The following MICAL2 variants were observed in gnomAD, a reference collection of about 807,000 sequenced individuals.
MICAL2 encodes the protein microtubule associated monooxygenase, calponin and LIM domain containing 2, also known as [F-actin]-monooxygenase MICAL2.
MICAL2 carries 77 observed loss-of-function variants against 127.3 expected under a neutral mutation model. That is an observed-to-expected ratio of 0.60 (90% CI 0.50 to 0.73). The LOEUF is 0.73. Ranked by LOEUF, MICAL2 falls within the 30% of genes least tolerant of loss-of-function variation. The probability of loss-of-function intolerance (pLI) is 0.00; values close to 1 mark genes in which losing one functional copy is unlikely to be tolerated. For missense variants in MICAL2, 1,351 were observed against 1,434.4 expected, an observed-to-expected ratio of 0.94 and a Z score of 0.94; for synonymous variants, 570 against 551.1, an observed-to-expected ratio of 1.03 and a Z score of -0.48.
chr11:12,172,065 C>T (rs1266863025), intron 3 of MICAL2, among the ~76,000 whole-genome samples: 1 of 152,152 alleles, frequency 6.6e-6, no homozygotes, highest in Non-Finnish European at 1.5e-5. Context: ...TCAAATTGGA[C>T]TGTGCAGTTT....
At chr11:12,257,133 T>C (rs1862440045) in intron 24 of MICAL2, 162 bp downstream of exon 24, 1 of 753,208 alleles carries the variant, frequency 1.3e-6, no homozygotes, top group Admixed American at 3.2e-5. Flanking sequence ...GAGCTCCTGC[T>C]AGAAGGGGAG....
intron 1 of MICAL2, among the ~76,000 whole-genome samples, chr11:12,130,879 C>T (rs1357203482): frequency 6.6e-6 from 1 of 152,228 alleles, no homozygotes; most frequent in East Asian, 1.9e-4. Context: ...GACCCTGATA[C>T]TGCTGTGGGA....
intron 3 of MICAL2, among the ~76,000 whole-genome samples, chr11:12,198,670 G>A (rs1355696982): frequency 6.6e-6 from 1 of 152,202 alleles, no homozygotes; most frequent in Non-Finnish European, 1.5e-5. Context: ...CTGCAGGTCA[G>A]TGTGCTGGGA....
At chr11:12,281,530 C>T (rs61875374) in intron 2 of MICAL2, among the ~76,000 whole-genome samples, 4,218 of 152,280 alleles carry the variant, frequency 0.028, 89 homozygotes, top group Non-Finnish European at 0.04. Flanking sequence ...GGCATCATCT[C>T]CCTGGGACCA....
intron 9 of MICAL2, 58 bp from the exon 10 acceptor site, chr11:12,221,586 A>C (rs749336621): frequency 8.1e-7 from 1 of 1,238,994 alleles, no homozygotes; most frequent in Non-Finnish European, 1.2e-6. Context: ...GGGTCCAATG[A>C]GATCATAGAT....
At chr11:12,287,228 C>T in exon 3 of MICAL2, 1 of 398,700 alleles carries the variant, frequency 2.5e-6, no homozygotes, top group Admixed American at 4.4e-5. Context: ...GGTTAATTCT[C>T]AGGGGCAGCC....
intron 29 of MICAL2, among the ~76,000 whole-genome samples, chr11:12,310,514 A>G (rs1475648220): frequency 6.6e-6 from 1 of 152,102 alleles, no homozygotes; most frequent in African/African-American, 2.4e-5. Context: ...TGGGTTCTCT[A>G]TTCTGTTCCA....
rs1675268631 is a variant in MICAL2 at position 12,204,425 on chromosome 11, G to C, written c.440G>C (p.Gly147Ala). The part of the protein sequence containing the change: ...LRGLGAKKFY[G>A]KFCAGSIDHI... ...GGCCTGGGAGCCAAGAAGTTCTATG[G>C]GAAGTTCTGTGCTGGCTCCATCGAC... The change falls in exon 4 of 28, where the codon GGG becomes GCG. Residue 147 changes from glycine to alanine, a missense_variant. Transcript: ENST00000683283. 3.1e-6 allele frequency: 5 copies of C among 1,614,206 alleles called. No homozygotes were observed. Among genetic ancestry groups the C allele is most frequent in the Non-Finnish European group, 4.2e-6 (5 of 1,180,018 alleles).
chr11:12,287,137 C>A (rs1863835851), exon 3 of MICAL2: 1 of 398,944 alleles, frequency 2.5e-6, no homozygotes, highest in South Asian at 1.3e-4. Context: ...AAGCAAATAC[C>A]AGAACTGGAG....
In MICAL2 at chr11:12,256,932, A is replaced by G; in HGVS notation, c.3103A>G (p.Thr1035Ala). 6.2e-7 allele frequency: 1 copy of G among 1,614,000 alleles called. No individual in the cohort carries two copies. Among genetic ancestry groups the G allele is most frequent in the Non-Finnish European group, 8.5e-7 (1 of 1,179,958 alleles). Residue 1035 changes from threonine to alanine, a missense_variant, in exon 24 of 28, where the codon ACC becomes GCC. This residue lies in a region of MICAL2 where 752 missense variants were observed against 719.4 expected (regional missense o/e 1.05). Transcript: ENST00000683283. ...TTTCCGCTGCAGCATCTGTGCCACC[A>G]CCTTGCGCCTGGCCGCCTACACCTT... ...ECFRCSICAT[T>A]LRLAAYTFDC...
chr11:12,226,778 G>C (rs967789411), intron 14 of MICAL2, among the ~76,000 whole-genome samples: 1 of 149,980 alleles, frequency 6.7e-6, no homozygotes, highest in Non-Finnish European at 1.5e-5. Context: ...TCAGCCTCCC[G>C]AGTAGCTGGG....
At chr11:12,230,860 G>A (rs80078093) in intron 15 of MICAL2, among the ~76,000 whole-genome samples, 16,485 of 152,264 alleles carry the variant, frequency 0.11, 1,094 homozygotes, top group Middle Eastern at 0.15. Flanking sequence ...TGGTAACCCA[G>A]TGGGTTGATT....
chr11:12,236,111 G>A, intron 15 of MICAL2, 66 bp from the exon 16 acceptor site: 1 of 1,398,650 alleles, frequency 7.1e-7, no homozygotes, highest in Non-Finnish European at 1.0e-6. Context: ...ATGCCCTCAG[G>A]GATCTTAGTG....
intron 15 of MICAL2, 54 bp downstream of exon 15, chr11:12,227,185 G>A (rs1857590285): frequency 2.4e-6 from 3 of 1,253,870 alleles, no homozygotes; most frequent in African/African-American, 1.5e-5. Context: ...GACGGGGTAT[G>A]AGGAACGGAG....
chr11:12,293,703 CAG>C, downstream of MICAL2: 10 of 1,614,050 alleles, frequency 6.2e-6, no homozygotes, highest in Non-Finnish European at 8.5e-6. Flanking sequence ...CCAGAGTGGG[CAG>C]AGTACTGCCT....
chr11:12,278,855 T>A (rs369258002), intron 1 of MICAL2, among the ~76,000 whole-genome samples: 20 of 152,302 alleles, frequency 1.3e-4, no homozygotes, highest in South Asian at 4.2e-4. Context: ...TGCACGTTAG[T>A]GGAGAAAGTC....
intron 2 of MICAL2, among the ~76,000 whole-genome samples, chr11:12,284,468 C>T (rs990591815): frequency 2.6e-5 from 4 of 152,116 alleles, no homozygotes; most frequent in Admixed American, 1.3e-4. Context: ...TTACTACCCA[C>T]CCTATTGTTC....
intron 21 of MICAL2, among the ~76,000 whole-genome samples, chr11:12,245,013 C>T (rs1218020111): frequency 2.0e-5 from 3 of 152,224 alleles, no homozygotes; most frequent in Non-Finnish European, 2.9e-5. Flanking sequence ...AATGCACTCA[C>T]AAACAATGAT....
chr11:12,223,620 G>A, intron 12 of MICAL2, 119 bp downstream of exon 12: 2 of 828,832 alleles, frequency 2.4e-6, no homozygotes, highest in South Asian at 3.0e-5. Context: ...CCCTTTACCT[G>A]TGTGGTCATG....
Sources: gnomAD v4.1 joint callset for allele counts (sites outside exome capture counted in the v4.1 genomes callset) on GRCh38, gnomAD v4.1.1 for gene constraint, gnomAD v4.1.1 regional missense constraint, MANE v1.5 for transcripts, NCBI Gene and HGNC (gene_info 2026-07-23, HGNC 2026-07-21) for gene names.